B3GNT4: variants seen among roughly 807,000 people sequenced by gnomAD.
B3GNT4 encodes the protein UDP-GlcNAc:betaGal beta-1,3-N-acetylglucosaminyltransferase 4.
A neutral mutation model predicts 2.7 loss-of-function variants in B3GNT4; 2 were observed. That is an observed-to-expected ratio of 0.73 (90% CI 0.30 to 2.31). The LOEUF (loss-of-function observed/expected upper bound fraction) is 2.31. B3GNT4 is among the 30% of genes most tolerant of loss of function. The probability of loss-of-function intolerance (pLI) is 0.12; values close to 1 mark genes in which losing one functional copy is unlikely to be tolerated. For missense variants in B3GNT4, 708 were observed against 490.9 expected, an observed-to-expected ratio of 1.44 and a Z score of -4.18; for synonymous variants, 280 against 203.4, an observed-to-expected ratio of 1.38 and a Z score of -3.20.
At position 122,206,704 on chromosome 12, in the gene B3GNT4, G is replaced by T. The variant is rs1034731747; in HGVS notation, c.453G>T (p.Arg151=). 6.2e-7 allele frequency: 1 copy of T among 1,610,200 alleles called. No homozygotes were observed. The highest frequency in any genetic ancestry group is 1.7e-5 in the Admixed American group (1 of 59,900). Residue 151 remains arginine, a synonymous_variant, in exon 3 of 3, where the codon CGG becomes CGT. Coordinates refer to ENST00000324189, the MANE Select transcript of B3GNT4 (RefSeq NM_030765.4). The stretch of plus-strand genomic sequence containing the variant: ...GGGTGGGGGGATGGGCTAGGGGCCG[G>T]CAGCTGAAGCTGGTGTTCCTCCTAG... The part of the protein sequence containing the change: ...WGRVGGWARG[R]QLKLVFLLGV...
At chr12:122,206,079 G>A (rs1953909734) in intron 2 of B3GNT4, 1 of 451,680 alleles carries the variant, frequency 2.2e-6, no homozygotes, top group Non-Finnish European at 3.8e-6. Flanking sequence ...GTCCTTTTGG[G>A]AAAAACAGAC....
In B3GNT4 at chr12:122,206,880, A is replaced by G. The variant is rs767399145; in HGVS notation, c.629A>G (p.Gln210Arg). Reference protein sequence around the residue: ...LQRWVVAACPQAHFMLKGDDD... With the variant: ...LQRWVVAACPRAHFMLKGDDD... The stretch of plus-strand genomic sequence containing the variant: ...CGCTGGGTGGTGGCTGCCTGCCCCC[A>G]GGCCCATTTCATGCTAAAGGGAGAT... Residue 210 changes from glutamine (Q) to arginine (R), a missense_variant, in exon 3 of 3, where the codon CAG becomes CGG. Physicochemically the swap from Gln to Arg is conservative, Grantham distance 43. Coordinates refer to ENST00000324189, the MANE Select transcript of B3GNT4 (RefSeq NM_030765.4). The G allele has an allele frequency of 6.2e-7, 1 of 1,613,926 alleles. No homozygotes were observed. The highest frequency in any genetic ancestry group is 1.1e-5 in the South Asian group (1 of 91,084).
Position 122,208,118 on chromosome 12 carries a change from TA to T in B3GNT4, c.*738del, listed in dbSNP as rs138260989. 62 of 658,574 alleles carry T rather than the reference TA, an allele frequency of 9.4e-5. No individual in the cohort carries two copies. Among genetic ancestry groups the T allele is most frequent in the East Asian group, 3.0e-4 (10 of 33,232 alleles). The allele number at this position is 658,574 out of a possible 1,614,324, so 40.8% of individuals were successfully genotyped here. On this transcript the variant is annotated 3_prime_UTR_variant, in exon 3 of 3. Coordinates refer to ENST00000324189, the MANE Select transcript of B3GNT4 (RefSeq NM_030765.4). Reference sequence around the variant, plus strand: ...TAGGCAAAATGCTTTGGGTGTGAGGTAAAAAAAATGGGTAAGAGCAGCTGTA... The same window carrying T: ...TAGGCAAAATGCTTTGGGTGTGAGGTAAAAAAATGGGTAAGAGCAGCTGTA...
intron 1 of B3GNT4, 119 bp from the exon 2 acceptor site, chr12:122,204,401 CAG>C (rs1268050636): frequency 7.9e-6 from 4 of 504,806 alleles, no homozygotes; most frequent in Non-Finnish European, 1.4e-5. Flanking sequence ...CGCGGCGGGA[CAG>C]GGGCCACCCG....
rs772563633 is a variant in B3GNT4 at position 122,207,667 on chromosome 12, C to T, written c.*279C>T. Reference sequence around the variant, plus strand: ...CCTCAAGGAAGGAGGCTGCATAGGACCCCAGGAGAGACGCATTTTCTCTTT... The same window carrying T: ...CCTCAAGGAAGGAGGCTGCATAGGATCCCAGGAGAGACGCATTTTCTCTTT... On this transcript the variant is annotated 3_prime_UTR_variant, in exon 3 of 3. Coordinates refer to ENST00000324189, the MANE Select transcript of B3GNT4 (RefSeq NM_030765.4). The T allele has an allele frequency of 1.6e-6, 1 of 641,420 alleles. No individual in the cohort carries two copies. The highest frequency in any genetic ancestry group is 1.5e-5 in the South Asian group (1 of 65,554). The allele number at this position is 641,420 out of a possible 1,614,324, so 39.7% of individuals were successfully genotyped here. A position where few individuals can be genotyped will look rare whatever the true frequency, so the allele number is the denominator to read the frequency against.
rs776155434 is a variant in B3GNT4 at position 122,206,451 on chromosome 12, C to A, written c.200C>A (p.Ala67Asp). Reference sequence around the variant, plus strand: ...CCCACGGCCCACCAGCCTTTCTGGGCTCCCCCAACACCCCGTCACAGCCGG... The same window carrying A: ...CCCACGGCCCACCAGCCTTTCTGGGATCCCCCAACACCCCGTCACAGCCGG... Reference protein sequence around the residue: ...GDPTAHQPFWAPPTPRHSRCP... With the variant: ...GDPTAHQPFWDPPTPRHSRCP... The change falls in exon 3 of 3, where the codon GCT (alanine) becomes GAT (aspartate). Residue 67 changes from alanine to aspartate, a missense_variant. Ala to Asp is a moderately radical substitution (Grantham distance 126). Transcript: ENST00000324189. The A allele has an allele frequency of 1.2e-6, 2 of 1,614,172 alleles. No individual in the cohort carries two copies. The highest frequency in any genetic ancestry group is 3.3e-5 in the Admixed American group (2 of 60,024).
Position 122,208,425 on chromosome 12 carries a change from C to T in B3GNT4, c.*1037C>T, listed in dbSNP as rs999897604. On this transcript the variant is annotated 3_prime_UTR_variant, in exon 3 of 3. Transcript: ENST00000324189. ...GCCTCCTGCTCCGACTCAGCCCGCT[C>T]CTCCCCTTCCTCCTGTGTTTTCTGA... is the stretch of plus-strand genomic sequence containing the variant. The T allele has an allele frequency of 1.2e-6, 2 of 1,613,666 alleles. No homozygotes were observed. The highest frequency in any genetic ancestry group is 2.7e-5 in the African/African-American group (2 of 74,924).
Position 122,208,266 on chromosome 12 carries a change from G to GGC in B3GNT4, c.*879_*880dup, listed in dbSNP as rs1953978315. On this transcript the variant is annotated 3_prime_UTR_variant, in exon 3 of 3. Transcript: ENST00000324189. ...AAAGGCGTCTCGCCTGATTGGCCAG[G>GGC]GCAGGATCTGCCGCCTCTTCTCGGT... 2 of 1,268,560 alleles carry GGC rather than the reference G, an allele frequency of 1.6e-6. No individual in the cohort carries two copies. Among genetic ancestry groups the GGC allele is most frequent in the Non-Finnish European group, 2.3e-6 (2 of 888,228 alleles). 78.6% of individuals were successfully genotyped at this position (1,268,560 alleles called of 1,614,324 possible).
At position 122,206,408 on chromosome 12, in the gene B3GNT4, G is replaced by A. The variant is rs865821692; in HGVS notation, c.157G>A (p.Ala53Thr). The change falls in exon 3 of 3, where the codon GCC becomes ACC. Residue 53 changes from alanine to threonine, a missense_variant. By Grantham distance (58) the Ala-to-Thr change is moderately conservative (BLOSUM62 0). Transcript: ENST00000324189. The stretch of plus-strand genomic sequence containing the variant: ...CTGCCTGCTCTTCCTGAGGAAGGCG[G>A]CCAAGCCCGCAGGAGACCCCACGGC... The part of the protein sequence containing the change: ...LGCLLFLRKA[A>T]KPAGDPTAHQ... 2 of 1,613,290 alleles carry A rather than the reference G, an allele frequency of 1.2e-6. No individual in the cohort carries two copies. Among genetic ancestry groups the A allele is most frequent in the Non-Finnish European group, 1.7e-6 (2 of 1,179,904 alleles).
At position 122,206,954 on chromosome 12, in the gene B3GNT4, TGGGACCCAGCCCAGGACCTCCTGGTGGGA is replaced by T. The variant is rs766494063; in HGVS notation, c.705_733del (p.Trp235Ter). ...CAACGTGTTAGAGTTCCTGGATGGC[TGGGACCCAGCCCAGGACCTCCTGGTGGGA>T]GATGTCATCCGCCAAGCCCTGCCCA... On this transcript the variant is annotated frameshift_variant, in exon 3 of 3. Transcript: ENST00000324189. LOFTEE classifies it low-confidence loss of function (END_TRUNC). 16 of 1,612,970 alleles carry T rather than the reference TGGGACCCAGCCCAGGACCTCCTGGTGGGA, an allele frequency of 9.9e-6. No homozygotes were observed. Among genetic ancestry groups the T allele is most frequent in the Non-Finnish European group, 1.3e-5 (15 of 1,179,072 alleles).
Position 122,206,576 on chromosome 12 carries a change from C to T in B3GNT4, c.325C>T (p.Leu109=). ...TCACTGCCGAAATTTCTCTATCTTG[C>T]TGGAGCCTTCAGGCTGTTCCAAGGA... ...YRHCRNFSIL[L]EPSGCSKDTF... is the part of the protein sequence containing the mutation. Residue 109 remains leucine, a synonymous_variant, in exon 3 of 3, where the codon CTG becomes TTG. Coordinates refer to ENST00000324189, the MANE Select transcript of B3GNT4 (RefSeq NM_030765.4). The T allele has an allele frequency of 1.3e-5, 21 of 1,614,198 alleles. No individual in the cohort carries two copies. Among genetic ancestry groups the T allele is most frequent in the Non-Finnish European group, 1.8e-5 (21 of 1,180,030 alleles).
rs1194245174 is a variant in B3GNT4, at chr12:122,207,876, CT to C, written c.*489del. On this transcript the variant is annotated 3_prime_UTR_variant, in exon 3 of 3. Coordinates refer to ENST00000324189, the MANE Select transcript of B3GNT4 (RefSeq NM_030765.4). ...TTTTCACTCCTTGGCCTCAGCTGTC[CT>C]CACAGGACAGTGGGGGCAGATCAGA... 1 of 460,686 alleles carries C rather than the reference CT, an allele frequency of 2.2e-6. No homozygotes were observed. The highest frequency in any genetic ancestry group is 6.9e-5 in the East Asian group (1 of 14,546). The allele number at this position is 460,686 out of a possible 1,614,324, so 28.5% of individuals were successfully genotyped here. A position where few individuals can be genotyped will look rare whatever the true frequency, so the allele number is the denominator to read the frequency against.
Position 122,206,581 on chromosome 12 carries a change from G to A in B3GNT4, c.330G>A (p.Glu110=), listed in dbSNP as rs1343539890. 6.2e-7 allele frequency: 1 copy of A among 1,614,186 alleles called. No homozygotes were observed. Among genetic ancestry groups the A allele is most frequent in the South Asian group, 1.1e-5 (1 of 91,088 alleles). ...RHCRNFSILL[E]PSGCSKDTFL... ...GCCGAAATTTCTCTATCTTGCTGGA[G>A]CCTTCAGGCTGTTCCAAGGATACCT... is the stretch of plus-strand genomic sequence containing the variant. The change falls in exon 3 of 3, where the codon GAG becomes GAA. Residue 110 remains glutamate, a synonymous_variant. Coordinates refer to ENST00000324189, the MANE Select transcript of B3GNT4 (RefSeq NM_030765.4).
Position 122,206,931 on chromosome 12 carries a change from A to G in B3GNT4, c.680A>G (p.Asn227Ser), listed in dbSNP as rs1953930722. Reference protein sequence around the residue: ...GDDDVFVHVPNVLEFLDGWDP... With the variant: ...GDDDVFVHVPSVLEFLDGWDP... Reference sequence around the variant, plus strand: ...GACGATGTCTTTGTCCACGTCCCCAACGTGTTAGAGTTCCTGGATGGCTGG... The same window carrying G: ...GACGATGTCTTTGTCCACGTCCCCAGCGTGTTAGAGTTCCTGGATGGCTGG... The change falls in exon 3 of 3, where the codon AAC becomes AGC. Residue 227 changes from asparagine to serine, a missense_variant. Asn to Ser is a conservative substitution (Grantham distance 46, BLOSUM62 1). Transcript: ENST00000324189. 4 of 1,614,100 alleles carry G rather than the reference A, an allele frequency of 2.5e-6. No homozygotes were observed. The highest frequency in any genetic ancestry group is 2.2e-5 in the South Asian group (2 of 91,088).
At position 122,207,390 on chromosome 12, in the gene B3GNT4, GGGTGGGTTGGGCAA is replaced by G. The variant is rs1273071485; in HGVS notation, c.*3_*16del. On this transcript the variant is annotated 3_prime_UTR_variant, in exon 3 of 3. Coordinates refer to ENST00000324189, the MANE Select transcript of B3GNT4 (RefSeq NM_030765.4). ...GCTGGCCCCATACCCCAGCGCTGAAGGGTGGGTTGGGCAACAGCCTGAGAGTGGACTCAGTGTTG... is the reference window on the plus strand; with the variant it reads ...GCTGGCCCCATACCCCAGCGCTGAAGCAGCCTGAGAGTGGACTCAGTGTTG... 4 of 1,536,530 alleles carry G rather than the reference GGGTGGGTTGGGCAA, an allele frequency of 2.6e-6. No individual in the cohort carries two copies. The highest frequency in any genetic ancestry group is 4.2e-5 in the Admixed American group (2 of 47,600).
Position 122,208,877 on chromosome 12 carries a change from T to A in B3GNT4, c.*1489T>A. 1 of 449,780 alleles carries A rather than the reference T, an allele frequency of 2.2e-6. No homozygotes were observed. The highest frequency in any genetic ancestry group is 4.2e-6 in the Non-Finnish European group (1 of 236,394). 27.9% of individuals were successfully genotyped at this position (449,780 alleles called of 1,614,324 possible). On this transcript the variant is annotated 3_prime_UTR_variant, in exon 3 of 3. Coordinates refer to ENST00000324189, the MANE Select transcript of B3GNT4 (RefSeq NM_030765.4). ...AGAGCTTTTAGTACAGACCTTTGAT[T>A]AATTTTTTTAACTACACATCTTCCA...
At position 122,207,657 on chromosome 12, in the gene B3GNT4, C is replaced by T. The variant is rs754857426; in HGVS notation, c.*269C>T. 263 of 640,040 alleles carry T rather than the reference C, an allele frequency of 4.1e-4. No individual in the cohort carries two copies. The highest frequency in any genetic ancestry group is 5.4e-4 in the Non-Finnish European group (189 of 348,884). 39.6% of individuals were successfully genotyped at this position (640,040 alleles called of 1,614,324 possible). On this transcript the variant is annotated 3_prime_UTR_variant, in exon 3 of 3. Coordinates refer to ENST00000324189, the MANE Select transcript of B3GNT4 (RefSeq NM_030765.4). Reference sequence around the variant, plus strand: ...CAGTCTGGGACCTCAAGGAAGGAGGCTGCATAGGACCCCAGGAGAGACGCA... The same window carrying T: ...CAGTCTGGGACCTCAAGGAAGGAGGTTGCATAGGACCCCAGGAGAGACGCA...
chr12:122,206,223 GGGACTTAGC>G, intron 2 of B3GNT4, 86 bp from the exon 3 acceptor site: 1 of 1,001,378 alleles, frequency 1.0e-6, no homozygotes, highest in Non-Finnish European at 1.5e-6. Flanking sequence ...GAGGCCAGCA[GGGACTTAGC>G]GGCTGGGGTG....
At chr12:122,204,379 C>T in intron 1 of B3GNT4, 143 bp from the exon 2 acceptor site, 1 of 405,934 alleles carries the variant, frequency 2.5e-6, no homozygotes, top group Non-Finnish European at 4.4e-6. Context: ...GCGGCCAGCG[C>T]CTGGGGACGC....
Sources: allele counts gnomAD v4.1 joint callset, GRCh38; gene constraint gnomAD v4.1.1; transcripts MANE v1.5; gene names NCBI Gene and HGNC (gene_info 2026-07-23, HGNC 2026-07-21).